CPD: variants seen among roughly 807,000 people sequenced by gnomAD.
CPD encodes metallocarboxypeptidase D.
In CPD, 69 loss-of-function variants were observed where a neutral mutation model predicts 138.3. The ratio of observed to expected loss-of-function variants is 0.50; its 90% CI spans 0.41 to 0.61. CPD has a LOEUF of 0.61. Ranked by LOEUF, CPD falls within the 20% of genes least tolerant of loss-of-function variation. The pLI, the probability that CPD is intolerant of heterozygous loss-of-function variation, is 0.00. For missense variants in CPD, 1,432 were observed against 1,733.3 expected, an observed-to-expected ratio of 0.83 and a Z score of 3.09; for synonymous variants, 651 against 642.1, an observed-to-expected ratio of 1.01 and a Z score of -0.21.
intron 8 of CPD, among the ~76,000 whole-genome samples, chr17:30,433,734 C>A (rs966829710): frequency 2.0e-5 from 3 of 152,200 alleles, no homozygotes; most frequent in Non-Finnish European, 4.4e-5. Context: ...GAGCCTTTAT[C>A]CTCTATCTGA....
rs375107355 is a variant in CPD, at chr17:30,431,522, T to C, written c.2018-250T>C. Among the ~76,000 whole-genome samples the C allele has an allele frequency of 4.9e-4, 75 of 152,352 alleles. 1 individual carries two copies. Among genetic ancestry groups the C allele is most frequent in the African/African-American group, 1.6e-3 (67 of 41,584 alleles). On this transcript the variant is annotated intron_variant, in intron 7 of 20. Coordinates refer to ENST00000225719, the MANE Select transcript of CPD (RefSeq NM_001304.5). ...TCCGTATTGATGCTAATTATTTTTT[T>C]GAGGTAGACTGTTTGGTAGAAGTAC...
In CPD at chr17:30,464,663, A is replaced by C; in HGVS notation, c.3992A>C (p.Lys1331Thr). ...CICSIKSNRH[K>T]DGFHRLRQHH... ...TGCTCAATCAAGTCTAATAGACACA[A>C]GGATGGCTTTCATCGGCTCAGGCAG... Residue 1331 changes from lysine (K) to threonine (T), a missense_variant, in exon 21 of 21, where the codon AAG (lysine) becomes ACG (threonine). Around this residue, in one of 6 missense-constraint regions of CPD, gnomAD observed 366 missense variants for 518.8 expected, o/e 0.71. Coordinates refer to ENST00000225719, the MANE Select transcript of CPD (RefSeq NM_001304.5). 6.2e-7 allele frequency: 1 copy of C among 1,614,054 alleles called. No individual in the cohort carries two copies. Among genetic ancestry groups the C allele is most frequent in the African/African-American group, 1.3e-5 (1 of 75,036 alleles).
chr17:30,389,228 G>T (rs1911283062), intron 2 of CPD, among the ~76,000 whole-genome samples: 1 of 152,162 alleles, frequency 6.6e-6, no homozygotes. Flanking sequence ...CTTCCGGCCT[G>T]CTGCTGCTAT....
intron 2 of CPD, among the ~76,000 whole-genome samples, chr17:30,405,386 G>A (rs1324692137): frequency 6.6e-6 from 1 of 152,138 alleles, no homozygotes; most frequent in Non-Finnish European, 1.5e-5. Context: ...GGAACAAAAG[G>A]AAAGGCAGCT....
intron 4 of CPD, 47 bp downstream of exon 4, chr17:30,421,880 T>C: frequency 7.1e-7 from 1 of 1,410,544 alleles, no homozygotes; most frequent in East Asian, 2.3e-5. Context: ...GTCAAGTCTC[T>C]GTTTTATATC....
chr17:30,409,588 T>G (rs530853243), intron 2 of CPD, among the ~76,000 whole-genome samples: 18 of 152,172 alleles, frequency 1.2e-4, no homozygotes, highest in Non-Finnish European at 2.2e-4. Context: ...CTTGGGAGGG[T>G]GTATGTGTCC....
intron 2 of CPD, among the ~76,000 whole-genome samples, chr17:30,405,391 G>A (rs1911778358): frequency 6.6e-6 from 1 of 152,084 alleles, no homozygotes; most frequent in Non-Finnish European, 1.5e-5. Context: ...AAAAGGAAAG[G>A]CAGCTTCTTG....
intron 16 of CPD, 26 bp downstream of exon 16, chr17:30,456,377 A>C: frequency 6.2e-7 from 1 of 1,610,904 alleles, no homozygotes; most frequent in Non-Finnish European, 8.5e-7. Context: ...ACCTTTTGTT[A>C]TTGCTGTTGT....
chr17:30,423,943 A>G (rs1230448520), intron 6 of CPD, among the ~76,000 whole-genome samples: 1 of 152,184 alleles, frequency 6.6e-6, no homozygotes, highest in Non-Finnish European at 1.5e-5. Context: ...GAAATAGAGT[A>G]TAAGACTTTT....
At chr17:30,462,994 T>A (rs1286954404) in intron 20 of CPD, among the ~76,000 whole-genome samples, 1 of 152,250 alleles carries the variant, frequency 6.6e-6, no homozygotes, top group Non-Finnish European at 1.5e-5. Flanking sequence ...TTAAGCAGTT[T>A]TCCGCCCTGG....
At chr17:30,452,133 T>C (rs780268849) in intron 14 of CPD, among the ~76,000 whole-genome samples, 3 of 152,222 alleles carry the variant, frequency 2.0e-5, no homozygotes, top group Non-Finnish European at 4.4e-5. Context: ...CCTATGTATG[T>C]GTGTATGTGT....
At chr17:30,454,646 C>G (rs1597736315) in intron 14 of CPD, 1 of 153,188 alleles carries the variant, frequency 6.5e-6, no homozygotes, top group African/African-American at 2.4e-5. Flanking sequence ...ACACCTGGCT[C>G]TATTGGTACC....
intron 9 of CPD, among the ~76,000 whole-genome samples, chr17:30,439,394 C>CTTTTTTTTT (rs71138889): frequency 8.2e-4 from 102 of 124,544 alleles, no homozygotes; most frequent in Middle Eastern, 4.7e-3. Context: ...ACGTTACTTT[C>CTTTTTTTTT]TTTTTTTTTT....
intron 2 of CPD, among the ~76,000 whole-genome samples, chr17:30,419,249 T>C (rs1210923672): frequency 6.6e-6 from 1 of 152,232 alleles, no homozygotes; most frequent in Non-Finnish European, 1.5e-5. Context: ...TGCTTAAAAC[T>C]ATGACATTGA....
chr17:30,382,670 A>G (rs1040228539), intron 1 of CPD, among the ~76,000 whole-genome samples: 1 of 152,238 alleles, frequency 6.6e-6, no homozygotes, highest in Non-Finnish European at 1.5e-5. Context: ...TTTTGACAAT[A>G]TTTCTGAGAA....
At position 30,407,934 on chromosome 17, in the gene CPD, G is replaced by C. The variant is rs1442397426; in HGVS notation, c.995-12907G>C. On this transcript the variant is annotated intron_variant, in intron 2 of 20. Transcript: ENST00000225719. ...GGTATTGCCTAGATTTTCTTCTAGG[G>C]TTTTTATGCTTTTAGGTCGTACGTT... 2.6e-5 allele frequency among the ~76,000 whole-genome samples: 4 copies of C among 152,216 alleles called. No homozygotes were observed. In the East Asian group the frequency reaches 5.8e-4, roughly 22 times the overall value.
chr17:30,406,925 A>G lies in CPD; in HGVS notation c.995-13916A>G, dbSNP rs539697783. 3.3e-5 allele frequency among the ~76,000 whole-genome samples: 5 copies of G among 152,174 alleles called. No individual in the cohort carries two copies. The South Asian group carries it at 1.0e-3, about 32-fold the overall frequency. On this transcript the variant is annotated intron_variant, in intron 2 of 20. Transcript: ENST00000225719. The stretch of plus-strand genomic sequence containing the variant: ...GGTTTGCTGCACCCATCAGCTTATC[A>G]TTTACATTAGGTATTTCTCCTAATG...
At chr17:30,416,137 A>G (rs1912101351) in intron 2 of CPD, among the ~76,000 whole-genome samples, 1 of 152,176 alleles carries the variant, frequency 6.6e-6, no homozygotes, top group East Asian at 1.9e-4. Context: ...GTTCGAGACC[A>G]GCCTCAACAT....
intron 1 of CPD, chr17:30,380,593 G>A: frequency 6.6e-7 from 1 of 1,507,748 alleles, no homozygotes; most frequent in Non-Finnish European, 8.8e-7. Context: ...GAAGAAGGAG[G>A]ACCTCAAGAA....
Sources: gnomAD v4.1 joint callset for allele counts (sites outside exome capture counted in the v4.1 genomes callset) on GRCh38, gnomAD v4.1.1 for gene constraint, gnomAD v4.1.1 regional missense constraint, MANE v1.5 for transcripts, NCBI Gene and HGNC (gene_info 2026-07-23, HGNC 2026-07-21) for gene names.